The following BST1 variants were observed in gnomAD, a reference collection of about 807,000 sequenced individuals.
BST1 encodes bone marrow stromal cell antigen 1.
In BST1, 49 loss-of-function variants were observed where a neutral mutation model predicts 40.6. The observed-to-expected ratio is 1.21, with a 90% CI of 0.96 to 1.53. The LOEUF (loss-of-function observed/expected upper bound fraction) is 1.53. Ranked by LOEUF, BST1 falls within the 40% of genes most tolerant of loss-of-function variation. The pLI, the probability that BST1 is intolerant of heterozygous loss-of-function variation, is 0.00. For synonymous variants in BST1, 157 were observed against 159.3 expected, an observed-to-expected ratio of 0.99 and a Z score of 0.11; for missense variants, 423 against 395.9, an observed-to-expected ratio of 1.07 and a Z score of -0.58.
At chr4:15,722,769 T>G in intron 7 of BST1, 106 bp from the exon 8 acceptor site, 1 of 888,276 alleles carries the variant, frequency 1.1e-6, no homozygotes. Flanking sequence ...GTGTATTATT[T>G]GAGGTCAGAG....
chr4:15,704,890 G>C (rs1171893487), intron 1 of BST1: 2 of 760,384 alleles, frequency 2.6e-6, no homozygotes, highest in Non-Finnish European at 4.9e-6. Context: ...TCTTTCTTGT[G>C]CTGATCATTT....
At chr4:15,741,628 A>G (rs561152287), downstream of BST1, among the ~76,000 whole-genome samples, 64 of 152,090 alleles carry the variant, frequency 4.2e-4, 1 homozygote, top group Non-Finnish European at 4.7e-4. Context: ...TGGGTTTTCC[A>G]TTTTTAAATG....
intron 8 of BST1, among the ~76,000 whole-genome samples, chr4:15,724,165 C>T (rs1446832186): frequency 6.6e-6 from 1 of 152,198 alleles, no homozygotes; most frequent in Non-Finnish European, 1.5e-5. Context: ...CCTAGCCCTG[C>T]TATCGTTCAT....
intron 3 of BST1, among the ~76,000 whole-genome samples, chr4:15,711,187 G>A (rs1328456952): frequency 6.6e-6 from 1 of 152,152 alleles, no homozygotes; most frequent in South Asian, 2.1e-4. Context: ...GGAATATGAG[G>A]TCAACTTGTA....
At chr4:15,767,880 T>C in the BST1 span, among the ~76,000 whole-genome samples, 2 of 152,088 alleles carry the variant, frequency 1.3e-5, no homozygotes, top group Non-Finnish European at 2.9e-5. Context: ...CTCGGCCTCC[T>C]CAAGTGTTGA....
At chr4:15,754,082 G>A in the BST1 span, among the ~76,000 whole-genome samples, 1 of 152,196 alleles carries the variant, frequency 6.6e-6, no homozygotes, top group Non-Finnish European at 1.5e-5. Context: ...GCCAAGTGGG[G>A]GGGTGTGAGG....
At chr4:15,744,723 C>G in the BST1 span, among the ~76,000 whole-genome samples, 2 of 152,144 alleles carry the variant, frequency 1.3e-5, no homozygotes, top group Non-Finnish European at 2.9e-5. Flanking sequence ...CCTATACCCA[C>G]TCAGGAGGGC....
At chr4:15,774,143 C>T in the BST1 span, among the ~76,000 whole-genome samples, 9 of 152,244 alleles carry the variant, frequency 5.9e-5, no homozygotes, top group African/African-American at 1.9e-4. Context: ...GGGAAGACCA[C>T]GTGCAGACAG....
intron 2 of BST1, 124 bp downstream of exon 2, chr4:15,705,765 A>G: frequency 3.1e-6 from 4 of 1,302,162 alleles, no homozygotes; most frequent in Admixed American, 1.9e-5. Context: ...ATCAGGCAGC[A>G]CACATAATGT....
At chr4:15,765,577 C>T in the BST1 span, among the ~76,000 whole-genome samples, 1 of 152,000 alleles carries the variant, frequency 6.6e-6, no homozygotes, top group Non-Finnish European at 1.5e-5. Flanking sequence ...TCCTCATCTC[C>T]CACATATTTC....
the BST1 span, among the ~76,000 whole-genome samples, chr4:15,750,309 G>A: frequency 6.6e-6 from 1 of 152,178 alleles, no homozygotes; most frequent in South Asian, 2.1e-4. Flanking sequence ...ACAGGAGTGA[G>A]CCACTGTGCC....
the BST1 span, among the ~76,000 whole-genome samples, chr4:15,772,449 A>G: frequency 6.6e-6 from 1 of 152,370 alleles, no homozygotes; most frequent in South Asian, 2.1e-4. Flanking sequence ...GGTTTGTTCA[A>G]CCAGCATTTA....
In BST1 at chr4:15,703,125, G is replaced by C. The variant is rs771141757; in HGVS notation, c.-20G>C. 1 of 1,584,306 alleles carries C rather than the reference G, an allele frequency of 6.3e-7. No individual in the cohort carries two copies. Among genetic ancestry groups the C allele is most frequent in the Non-Finnish European group, 8.6e-7 (1 of 1,169,082 alleles). ...AGGGGAGTGGAGGAAGCACGGGACT[G>C]GAGGGACCAAAGTTCCCCGATGGCG... On this transcript the variant is annotated 5_prime_UTR_variant, in exon 1 of 9. Transcript: ENST00000265016.
the BST1 span, among the ~76,000 whole-genome samples, chr4:15,749,512 C>T: frequency 6.6e-6 from 1 of 152,094 alleles, no homozygotes; most frequent in South Asian, 2.1e-4. Flanking sequence ...GAAAGAGTTA[C>T]TATTCTATCA....
the BST1 span, among the ~76,000 whole-genome samples, chr4:15,748,063 C>G: frequency 6.6e-6 from 1 of 152,152 alleles, no homozygotes; most frequent in East Asian, 1.9e-4. Context: ...CTCTAAGTGC[C>G]TTGCCAGGTC....
intron 5 of BST1, 95 bp from the exon 6 acceptor site, chr4:15,715,612 C>T (rs1368796493): frequency 2.1e-6 from 2 of 967,762 alleles, no homozygotes; most frequent in East Asian, 2.7e-5. Flanking sequence ...CTTCTAAAAG[C>T]TCTTTATTTT....
the BST1 span, among the ~76,000 whole-genome samples, chr4:15,744,039 C>T: frequency 6.6e-6 from 1 of 152,186 alleles, no homozygotes; most frequent in Admixed American, 6.5e-5. Context: ...ATCTTGTCCT[C>T]TTATCTTTTC....
chr4:15,725,279 CT>C (rs1262914258), intron 8 of BST1, among the ~76,000 whole-genome samples: 1 of 152,228 alleles, frequency 6.6e-6, no homozygotes, highest in Non-Finnish European at 1.5e-5. Context: ...AAAATTCACT[CT>C]GGCAGATGTC....
At position 15,732,149 on chromosome 4, in the gene BST1, T is replaced by G; in HGVS notation, c.*304T>G. On this transcript the variant is annotated 3_prime_UTR_variant, in exon 9 of 9. Transcript: ENST00000265016. Reference sequence around the variant, plus strand: ...ATATTATCAAACATTTTAAGAGAATTCTAATAAAGCTGTATTTTACATCAT... The same window carrying G: ...ATATTATCAAACATTTTAAGAGAATGCTAATAAAGCTGTATTTTACATCAT... 1 of 1,112,276 alleles carries G rather than the reference T, an allele frequency of 9.0e-7. No individual in the cohort carries two copies. The highest frequency in any genetic ancestry group is 1.1e-6 in the Non-Finnish European group (1 of 908,728). 68.9% of individuals were successfully genotyped at this position (1,112,276 alleles called of 1,614,324 possible). A position where few individuals can be genotyped will look rare whatever the true frequency, so the allele number is the denominator to read the frequency against.
Sources: gnomAD v4.1 joint callset for allele counts (sites outside exome capture counted in the v4.1 genomes callset) on GRCh38, gnomAD v4.1.1 for gene constraint, MANE v1.5 for transcripts, NCBI Gene and HGNC (gene_info 2026-07-23, HGNC 2026-07-21) for gene names.